ZNF565: variants seen among roughly 807,000 people sequenced by gnomAD.
ZNF565 encodes zinc finger protein 565.
ZNF565 carries 27 observed loss-of-function variants against 39.4 expected under a neutral mutation model. That is an observed-to-expected ratio of 0.69 (90% confidence interval 0.51 to 0.95). The LOEUF (loss-of-function observed/expected upper bound fraction) is 0.95, where lower values mean the gene tolerates loss of function less well. Among genes scored for constraint, ZNF565 ranks in the 40% least tolerant of loss-of-function variants. The probability of loss-of-function intolerance (pLI) is 0.00; values close to 1 mark genes in which losing one functional copy is unlikely to be tolerated. For synonymous variants in ZNF565, 185 were observed against 216.6 expected (o/e 0.85, Z 1.28); for missense variants, 524 against 621.1 (o/e 0.84, Z 1.66).
intron 1 of ZNF565, among the ~76,000 whole-genome samples, chr19:36,234,313 C>G (rs988167435): frequency 8.0e-6 from 1 of 125,694 alleles, no homozygotes; most frequent in Non-Finnish European, 1.8e-5. Context: ...ACAGTCTGAT[C>G]TCTCTTTCTT....
intron 1 of ZNF565, among the ~76,000 whole-genome samples, chr19:36,235,214 A>G (rs1473881536): frequency 2.8e-5 from 4 of 141,470 alleles, no homozygotes; most frequent in African/African-American, 8.3e-5. Flanking sequence ...TCTCAAAAAA[A>G]AAAAAAGAAG....
At chr19:36,242,911 T>C (rs1977823311) in intron 1 of ZNF565, among the ~76,000 whole-genome samples, 1 of 152,224 alleles carries the variant, frequency 6.6e-6, no homozygotes, top group Non-Finnish European at 1.5e-5. Flanking sequence ...CATCACATTT[T>C]CCCAGTTCTT....
At chr19:36,200,919 C>T (rs988237869) in intron 2 of ZNF565, among the ~76,000 whole-genome samples, 7 of 151,880 alleles carry the variant, frequency 4.6e-5, no homozygotes, top group Non-Finnish European at 7.4e-5. Context: ...CAAGTAGCTG[C>T]GATTATAGGC....
At chr19:36,237,566 AGT>A (rs1977690396) in intron 1 of ZNF565, 2 of 334,902 alleles carry the variant, frequency 6.0e-6, no homozygotes, top group Non-Finnish European at 1.1e-5. Context: ...TTTCACTAAA[AGT>A]GGGAACAGAA....
chr19:36,202,165 C>T (rs1377970932), intron 1 of ZNF565, 115 bp from the exon 2 acceptor site: 6 of 651,952 alleles, frequency 9.2e-6, no homozygotes, highest in Admixed American at 2.4e-5. Flanking sequence ...GGATCTGCTT[C>T]TCCCACCTCT....
Position 36,238,320 on chromosome 19 carries a change from A to G in ZNF565, c.55+7156T>C, listed in dbSNP as rs140084837. 268 of 167,240 alleles carry G rather than the reference A, an allele frequency of 1.6e-3. 1 individual carries two copies. Among genetic ancestry groups the G allele is most frequent in the Admixed American group, 2.8e-3 (43 of 15,306 alleles). The allele number at this position is 167,240 out of a possible 1,614,324, so 10.4% of individuals were successfully genotyped here. ...GTAATGGATGCATATATGTATGTAC[A>G]TGTTTTTGAAACGGATTGGAAGGAT... On this transcript the variant is annotated intron_variant, in intron 1 of 4. Transcript: ENST00000355114.
At chr19:36,234,487 T>TC (rs1485716148) in intron 1 of ZNF565, among the ~76,000 whole-genome samples, 1 of 152,322 alleles carries the variant, frequency 6.6e-6, no homozygotes, top group East Asian at 1.9e-4. Flanking sequence ...CAGAATGCCT[T>TC]CCATAGTTTT....
chr19:36,199,190 G>A (rs1271404795), intron 2 of ZNF565, among the ~76,000 whole-genome samples: 1 of 152,204 alleles, frequency 6.6e-6, no homozygotes, highest in Non-Finnish European at 1.5e-5. Context: ...CCAGAAAGCT[G>A]ATGGAGGGTA....
chr19:36,200,045 A>G (rs1975900609), intron 2 of ZNF565, among the ~76,000 whole-genome samples: 1 of 150,280 alleles, frequency 6.7e-6, no homozygotes, highest in South Asian at 2.1e-4. Flanking sequence ...TTTTTTTTTG[A>G]GACAGAGTCT....
chr19:36,221,784 TTTTGTTC>T (rs1568429860), intron 1 of ZNF565, among the ~76,000 whole-genome samples: 1 of 152,050 alleles, frequency 6.6e-6, no homozygotes, highest in East Asian at 1.9e-4. Context: ...GTTTTTTGTT[TTTTGTTC>T]TGTCACTATT....
intron 1 of ZNF565, chr19:36,237,884 T>C (rs1977703524): frequency 6.0e-6 from 1 of 166,978 alleles, no homozygotes; most frequent in Non-Finnish European, 1.5e-5. Flanking sequence ...CCATGAACTA[T>C]ACACAAAAGT....
At chr19:36,205,006 A>C (rs1976100398) in intron 1 of ZNF565, among the ~76,000 whole-genome samples, 1 of 151,894 alleles carries the variant, frequency 6.6e-6, no homozygotes, top group Non-Finnish European at 1.5e-5. Context: ...AGAAAAGAAA[A>C]TGAAGATGTA....
At chr19:36,235,101 C>A (rs1180585385) in intron 1 of ZNF565, among the ~76,000 whole-genome samples, 2 of 151,460 alleles carry the variant, frequency 1.3e-5, no homozygotes, top group African/African-American at 4.9e-5. Flanking sequence ...CCCAGTTACT[C>A]AGGAGGCTGA....
intron 1 of ZNF565, among the ~76,000 whole-genome samples, chr19:36,231,212 A>C (rs1012722655): frequency 1.3e-5 from 2 of 151,960 alleles, no homozygotes; most frequent in African/African-American, 4.8e-5. Flanking sequence ...AAAATACAAA[A>C]GTTCTTCTTT....
At chr19:36,235,787 C>T (rs1230007117) in intron 1 of ZNF565, 1 of 152,186 alleles carries the variant, frequency 6.6e-6, no homozygotes, top group East Asian at 1.9e-4. Flanking sequence ...AGAAAAAATA[C>T]TTCCTCTGTT....
At chr19:36,190,858 G>A (rs1406995880) in intron 4 of ZNF565, among the ~76,000 whole-genome samples, 3 of 151,770 alleles carry the variant, frequency 2.0e-5, no homozygotes, top group Non-Finnish European at 4.4e-5. Flanking sequence ...TGGGCGTGGT[G>A]GCGCACTCCT....
intron 1 of ZNF565, among the ~76,000 whole-genome samples, chr19:36,231,205 A>G (rs1054499596): frequency 1.3e-5 from 2 of 152,052 alleles, no homozygotes; most frequent in Non-Finnish European, 2.9e-5. Flanking sequence ...TCTACTAAAA[A>G]TACAAAAGTT....
chr19:36,210,049 G>A (rs915780933), intron 1 of ZNF565, among the ~76,000 whole-genome samples: 1 of 151,882 alleles, frequency 6.6e-6, no homozygotes, highest in Admixed American at 6.6e-5. Flanking sequence ...AATCACCTGA[G>A]GCCAAGAGCT....
intron 4 of ZNF565, among the ~76,000 whole-genome samples, chr19:36,185,332 T>C (rs1361286344): frequency 1.3e-5 from 2 of 150,752 alleles, no homozygotes; most frequent in Non-Finnish European, 2.9e-5. Context: ...GAGAATCACT[T>C]GAATCCGGGA....
Sources: gnomAD v4.1 joint callset for allele counts (sites outside exome capture counted in the v4.1 genomes callset) on GRCh38, gnomAD v4.1.1 for gene constraint, MANE v1.5 for transcripts, NCBI Gene and HGNC (gene_info 2026-07-23, HGNC 2026-07-21) for gene names.